Variants in GTF2B observed in about 807,000 individuals in gnomAD.
The protein encoded by GTF2B is general transcription factor IIB.
Under a neutral mutation model 34.6 loss-of-function variants are expected in GTF2B, and 20 were observed. The ratio of observed to expected loss-of-function variants is 0.58; its 90% CI spans 0.41 to 0.84. The LOEUF (loss-of-function observed/expected upper bound fraction) is 0.84, where lower values mean the gene tolerates loss of function less well. Ranked by LOEUF, GTF2B falls within the 40% of genes least tolerant of loss-of-function variation. The pLI, the probability that GTF2B is intolerant of heterozygous loss-of-function variation, is 0.00. For missense variants in GTF2B, 237 were observed against 393.3 expected (o/e 0.60, Z 3.36); for synonymous variants, 142 against 132.4 (o/e 1.07, Z -0.50).
chr1:88,891,097 G>C (rs968508787), intron 1 of GTF2B, among the ~76,000 whole-genome samples: 2 of 128,650 alleles, frequency 1.6e-5, no homozygotes, highest in Admixed American at 8.1e-5. Context: ...CGGGTTGTTT[G>C]GGCCGTAGAT....
intron 1 of GTF2B, 36 bp downstream of exon 1, chr1:88,891,447 C>T: frequency 1.3e-6 from 2 of 1,579,540 alleles, no homozygotes; most frequent in South Asian, 2.3e-5. Flanking sequence ...CTCGCGCCCG[C>T]CCCTCAGCTC....
At position 88,863,981 on chromosome 1, in the gene GTF2B, C is replaced by G; in HGVS notation, c.258G>C (p.Lys86Asn). 1 of 1,613,720 alleles carries G rather than the reference C, an allele frequency of 6.2e-7. No individual in the cohort carries two copies. Among genetic ancestry groups the G allele is most frequent in the South Asian group, 1.1e-5 (1 of 91,068 alleles). The change falls in exon 3 of 7, where the codon AAG becomes AAC. Residue 86 changes from lysine to asparagine, a missense_variant and splice_region_variant. Physicochemically the swap from Lys to Asn is moderately conservative, Grantham distance 94. Around this residue, in one of 3 missense-constraint regions of GTF2B, gnomAD observed 130 missense variants for 170.9 expected, o/e 0.76. Transcript: ENST00000370500. ...ATTTCCTGCCAAATGGACTTATTAC[C>G]TTGCCAATCATGGTAGACAAATCTC... is the stretch of plus-strand genomic sequence containing the variant. ...SDGDLSTMIG[K>N]GTGAASFDEF...
intron 2 of GTF2B, among the ~76,000 whole-genome samples, chr1:88,872,050 G>T (rs1166767601): frequency 6.6e-6 from 1 of 152,126 alleles, no homozygotes; most frequent in Non-Finnish European, 1.5e-5. Context: ...TTGTTCTATG[G>T]CTTCCTTTTT....
At chr1:88,879,142 T>C (rs1227982421) in intron 2 of GTF2B, among the ~76,000 whole-genome samples, 6 of 152,220 alleles carry the variant, frequency 3.9e-5, no homozygotes, top group Non-Finnish European at 2.9e-5. Context: ...TGTTTTCAGA[T>C]TGGTGGTGGG....
chr1:88,889,736 A>C (rs1674156535), intron 1 of GTF2B, among the ~76,000 whole-genome samples: 1 of 152,238 alleles, frequency 6.6e-6, no homozygotes, highest in Non-Finnish European at 1.5e-5. Flanking sequence ...TATTATATTT[A>C]GGCTGGGCGC....
intron 2 of GTF2B, among the ~76,000 whole-genome samples, chr1:88,884,023 C>CTTTT (rs56745053): frequency 1.9e-4 from 21 of 111,220 alleles, no homozygotes; most frequent in African/African-American, 7.5e-4. Flanking sequence ...TCAGCACTGA[C>CTTTT]TTTTTTTTTT....
intron 5 of GTF2B, 114 bp from the exon 6 acceptor site, chr1:88,857,601 A>G (rs917420350): frequency 1.6e-6 from 1 of 614,898 alleles, no homozygotes; most frequent in African/African-American, 1.9e-5. Flanking sequence ...ACATTCAATC[A>G]TACCTTAAAG....
chr1:88,888,653 A>T (rs564598422), intron 1 of GTF2B, among the ~76,000 whole-genome samples: 1 of 152,324 alleles, frequency 6.6e-6, no homozygotes, highest in Non-Finnish European at 1.5e-5. Context: ...TAGATAGAAA[A>T]CTATAGTTTG....
intron 2 of GTF2B, among the ~76,000 whole-genome samples, chr1:88,867,598 T>C (rs1225768822): frequency 6.6e-6 from 1 of 152,192 alleles, no homozygotes; most frequent in Non-Finnish European, 1.5e-5. Flanking sequence ...TTTATTAACA[T>C]ACATGAATGT....
chr1:88,857,093 G>A (rs1336338649), intron 6 of GTF2B, 113 bp downstream of exon 6: 32 of 943,976 alleles, frequency 3.4e-5, no homozygotes, highest in Middle Eastern at 5.5e-4. Flanking sequence ...GAGCCCCCGC[G>A]CCTGGTCAAA....
intron 3 of GTF2B, 58 bp downstream of exon 3, chr1:88,863,923 A>T: frequency 1.3e-6 from 2 of 1,540,896 alleles, no homozygotes; most frequent in Non-Finnish European, 1.8e-6. Flanking sequence ...AAAGTTCCCA[A>T]ACTCTCAGGT....
intron 2 of GTF2B, among the ~76,000 whole-genome samples, chr1:88,885,776 T>C (rs1210620961): frequency 1.3e-5 from 2 of 152,206 alleles, no homozygotes; most frequent in Non-Finnish European, 2.9e-5. Context: ...AAAAACTTTA[T>C]AGATACTGAA....
At chr1:88,859,789 T>C (rs532550037) in intron 5 of GTF2B, 93 bp downstream of exon 5, 16 of 1,099,734 alleles carry the variant, frequency 1.5e-5, no homozygotes, top group African/African-American at 1.1e-4. Flanking sequence ...TGAGTCAAGA[T>C]TGCGCCACTG....
At chr1:88,866,071 T>C (rs911537613) in intron 2 of GTF2B, among the ~76,000 whole-genome samples, 1 of 151,452 alleles carries the variant, frequency 6.6e-6, no homozygotes, top group Admixed American at 6.6e-5. Context: ...AGTGATAGAT[T>C]TAAAAAAAGG....
chr1:88,888,547 G>A (rs1674126633), intron 1 of GTF2B, among the ~76,000 whole-genome samples: 1 of 152,086 alleles, frequency 6.6e-6, no homozygotes, highest in African/African-American at 2.4e-5. Context: ...TGAAATAAAG[G>A]AAAATGTTAG....
At chr1:88,874,695 C>T (rs7541601) in intron 2 of GTF2B, among the ~76,000 whole-genome samples, 6,120 of 151,844 alleles carry the variant, frequency 0.04, 365 homozygotes, top group African/African-American at 0.13. Context: ...AATTTCAATT[C>T]TTTCTGCTGT....
rs1284008137 is a variant in GTF2B at position 88,852,701 on chromosome 1, G to A, written c.*512C>T. On this transcript the variant is annotated 3_prime_UTR_variant, in exon 7 of 7. Coordinates refer to ENST00000370500, the MANE Select transcript of GTF2B (RefSeq NM_001514.6). ...TCAAGGCCCAAGCTCATCACTTCTT[G>A]TTTAATAATATACATAATAAATCTC... 6.8e-6 allele frequency among the ~76,000 whole-genome samples: 1 copy of A among 147,242 alleles called. No individual in the cohort carries two copies. Among genetic ancestry groups the A allele is most frequent in the African/African-American group, 2.7e-5 (1 of 36,876 alleles).
chr1:88,866,441 C>T (rs1673561548), intron 2 of GTF2B, among the ~76,000 whole-genome samples: 1 of 152,126 alleles, frequency 6.6e-6, no homozygotes. Context: ...CAGGGTCTCA[C>T]TCTGTTGCCC....
At chr1:88,883,795 G>GT (rs1346613137) in intron 2 of GTF2B, among the ~76,000 whole-genome samples, 1 of 152,148 alleles carries the variant, frequency 6.6e-6, no homozygotes, top group East Asian at 1.9e-4. Context: ...GATGAATAAT[G>GT]TAATAGGCTT....
Sources: gnomAD v4.1 joint callset for allele counts (sites outside exome capture counted in the v4.1 genomes callset) on GRCh38, gnomAD v4.1.1 for gene constraint, gnomAD v4.1.1 regional missense constraint, MANE v1.5 for transcripts, NCBI Gene and HGNC (gene_info 2026-07-23, HGNC 2026-07-21) for gene names.